The following CATSPERE variants were observed in gnomAD, a reference collection of about 807,000 sequenced individuals.
CATSPERE encodes the protein catsper channel auxiliary subunit epsilon.
A neutral mutation model predicts 114.1 loss-of-function variants in CATSPERE; 93 were observed. The ratio of observed to expected loss-of-function variants is 0.81; its 90% CI spans 0.69 to 0.97. The LOEUF (loss-of-function observed/expected upper bound fraction) is 0.97. Ranked by LOEUF, CATSPERE falls within the 50% of genes least tolerant of loss-of-function variation. CATSPERE has a pLI of 0.00. For missense variants in CATSPERE, 1,058 were observed against 1,131.6 expected (o/e 0.93, Z 0.93); for synonymous variants, 341 against 384.1 (o/e 0.89, Z 1.31).
Position 244,583,910 on chromosome 1 carries a change from T to A in CATSPERE, c.2056T>A (p.Tyr686Asn). The A allele has an allele frequency of 6.2e-7, 1 of 1,614,128 alleles. No homozygotes were observed. Among genetic ancestry groups the A allele is most frequent in the Non-Finnish European group, 8.5e-7 (1 of 1,179,990 alleles). ...LVLVQFRPSE[Y>N]SKACPIAQKV... ...GCTGGTTCAGTTTCGACCTAGTGAA[T>A]ATTCAAAAGCATGTCCAATAGCCCA... Residue 686 changes from tyrosine to asparagine, a missense_variant, in exon 13 of 22, where the codon TAT becomes AAT. By Grantham distance (143) the Tyr-to-Asn change is moderately radical. Around this residue, in one of 2 missense-constraint regions of CATSPERE, gnomAD observed 787 missense variants for 905.6 expected, o/e 0.87. Coordinates refer to ENST00000366534, the MANE Select transcript of CATSPERE (RefSeq NM_001130957.2).
intron 8 of CATSPERE, among the ~76,000 whole-genome samples, chr1:244,520,645 G>A (rs538596216): frequency 3.3e-5 from 5 of 152,010 alleles, no homozygotes; most frequent in African/African-American, 7.2e-5. Context: ...TCAGGCACAC[G>A]CAGAGGCCCA....
In CATSPERE at chr1:244,461,460, C is replaced by G; in HGVS notation, c.31C>G (p.Leu11Val). 7.3e-7 allele frequency: 1 copy of G among 1,372,810 alleles called. No individual in the cohort carries two copies. The allele number at this position is 1,372,810 out of a possible 1,614,324, so 85.0% of individuals were successfully genotyped here. The part of the protein sequence containing the change: MSAREVAVLL[L>V]WLSCYGSALW... ...AGCCCGGGAAGTGGCCGTGCTGCTG[C>G]TGTGGCTGAGCTGCTATGGCTCCGC... The change falls in exon 1 of 22, where the codon CTG becomes GTG. Residue 11 changes from leucine to valine, a missense_variant. Leu to Val is a conservative substitution (Grantham distance 32). This residue lies in a region of CATSPERE where 271 missense variants were observed against 225.9 expected (regional missense o/e 1.20). Transcript: ENST00000366534.
chr1:244,550,571 A>G (rs1398516928), intron 8 of CATSPERE, among the ~76,000 whole-genome samples: 1 of 152,232 alleles, frequency 6.6e-6, no homozygotes, highest in East Asian at 1.9e-4. Context: ...TTATTATATA[A>G]TCAGTGGACA....
rs1004013936 is a variant in CATSPERE, at chr1:244,561,253, C to T, written c.1507+108C>T. On this transcript the variant is annotated intron_variant, in intron 10 of 21. Transcript: ENST00000366534. ...ACCAATGTGTGGCGTTTTTGGCAGC[C>T]AAAGGTGCACTTCTTATCACCTACA... 6.7e-6 allele frequency: 5 copies of T among 751,704 alleles called. No homozygotes were observed. In the African/African-American group the frequency reaches 8.8e-5, roughly 13 times the overall value. 46.6% of individuals were successfully genotyped at this position (751,704 alleles called of 1,614,324 possible).
intron 11 of CATSPERE, among the ~76,000 whole-genome samples, chr1:244,574,355 G>A (rs1474631046): frequency 6.6e-6 from 1 of 152,162 alleles, no homozygotes; most frequent in Non-Finnish European, 1.5e-5. Flanking sequence ...CATAGGATAG[G>A]GCTTAGCAAA....
At position 244,461,301 on chromosome 1, in the gene CATSPERE, C is replaced by G. The variant is rs759685328; in HGVS notation, c.-129C>G. ...CTTCTCCCTCGCTGGTCTTCAGGCC[C>G]GGCCCGCCCTGTCCAGAGGCGCCGG... is the stretch of plus-strand genomic sequence containing the variant. On this transcript the variant is annotated 5_prime_UTR_variant, in exon 1 of 22. Transcript: ENST00000366534. The G allele has an allele frequency of 1.3e-6, 1 of 758,504 alleles. No homozygotes were observed. Among genetic ancestry groups the G allele is most frequent in the Non-Finnish European group, 1.8e-6 (1 of 552,350 alleles). 47.0% of individuals were successfully genotyped at this position (758,504 alleles called of 1,614,324 possible). A position where few individuals can be genotyped will look rare whatever the true frequency, so the allele number is the denominator to read the frequency against.
At chr1:244,452,776 T>C (rs1027559059), upstream of CATSPERE, among the ~76,000 whole-genome samples, 1 of 152,220 alleles carries the variant, frequency 6.6e-6, no homozygotes, top group African/African-American at 2.4e-5. Flanking sequence ...TTCGATAATC[T>C]AAGTCCAGAG....
chr1:244,564,338 G>GCT, intron 10 of CATSPERE, among the ~76,000 whole-genome samples: 1 of 152,150 alleles, frequency 6.6e-6, no homozygotes, highest in African/African-American at 2.4e-5. Context: ...AAATTACTTT[G>GCT]GGCAGTATGG....
At chr1:244,554,734 T>C (rs1661321380) in intron 9 of CATSPERE, among the ~76,000 whole-genome samples, 1 of 151,736 alleles carries the variant, frequency 6.6e-6, no homozygotes, top group Admixed American at 6.6e-5. Flanking sequence ...TTTTTAACTA[T>C]TAAGTTGTAA....
intron 18 of CATSPERE, among the ~76,000 whole-genome samples, chr1:244,608,038 C>A (rs923535316): frequency 6.6e-6 from 1 of 151,988 alleles, no homozygotes; most frequent in African/African-American, 2.4e-5. Flanking sequence ...ACCCAGGAAG[C>A]GGAGGTTGCA....
chr1:244,488,679 C>A, intron 5 of CATSPERE, among the ~76,000 whole-genome samples: 1 of 152,306 alleles, frequency 6.6e-6, no homozygotes, highest in East Asian at 1.9e-4. Flanking sequence ...TCCAGATACG[C>A]TGGTAACTCA....
intron 17 of CATSPERE, among the ~76,000 whole-genome samples, chr1:244,605,156 A>G (rs1344007468): frequency 6.6e-6 from 1 of 152,192 alleles, no homozygotes; most frequent in Non-Finnish European, 1.5e-5. Flanking sequence ...CTCCGTTCTC[A>G]TCATAGTAAT....
intron 7 of CATSPERE, among the ~76,000 whole-genome samples, chr1:244,505,706 G>A (rs1166633162): frequency 6.6e-6 from 1 of 152,020 alleles, no homozygotes; most frequent in African/African-American, 2.4e-5. Context: ...AGACCGGGTG[G>A]CTTAAAAAAC....
intron 2 of CATSPERE, among the ~76,000 whole-genome samples, chr1:244,473,567 C>T (rs1301210223): frequency 2.0e-5 from 3 of 152,180 alleles, no homozygotes; most frequent in African/African-American, 7.2e-5. Flanking sequence ...TCTTTTCATT[C>T]TCTTAACAGT....
chr1:244,471,627 A>C (rs922642389), intron 2 of CATSPERE, among the ~76,000 whole-genome samples: 1 of 152,202 alleles, frequency 6.6e-6, no homozygotes, highest in Admixed American at 6.5e-5. Flanking sequence ...TAGAAACAAA[A>C]CCATACTATA....
Position 244,615,007 on chromosome 1 carries a change from C to T in CATSPERE, c.2491-2522C>T, listed in dbSNP as rs117153736. Among the ~76,000 whole-genome samples the T allele has an allele frequency of 5.3e-5, 8 of 152,048 alleles. No homozygotes were observed. In the East Asian group the frequency reaches 9.7e-4, roughly 18 times the overall value. ...GCTGGGGCACTGGCACTCTGATGAA[C>T]GACCTCTAAACATTCCTCTCATTGT... On this transcript the variant is annotated intron_variant, in intron 19 of 21. Coordinates refer to ENST00000366534, the MANE Select transcript of CATSPERE (RefSeq NM_001130957.2).
At position 244,640,224 on chromosome 1, in the gene CATSPERE, A is replaced by C. The variant is rs1253614200; in HGVS notation, c.*143A>C. 1 of 583,870 alleles carries C rather than the reference A, an allele frequency of 1.7e-6. No homozygotes were observed. The highest frequency in any genetic ancestry group is 2.9e-6 in the Non-Finnish European group (1 of 344,696). 36.2% of individuals were successfully genotyped at this position (583,870 alleles called of 1,614,324 possible). ...TCACCAAATTCAAGATCTGAAAAAT[A>C]TTCTTGAACTATCTCCAAAATAGAA... On this transcript the variant is annotated 3_prime_UTR_variant, in exon 22 of 22. Coordinates refer to ENST00000366534, the MANE Select transcript of CATSPERE (RefSeq NM_001130957.2).
chr1:244,490,931 G>T (rs1312814074), intron 6 of CATSPERE, among the ~76,000 whole-genome samples: 2 of 151,814 alleles, frequency 1.3e-5, no homozygotes, highest in South Asian at 2.1e-4. Context: ...TTGTTATATA[G>T]TAAATACAGG....
At chr1:244,636,868 G>A (rs1304491554) in intron 21 of CATSPERE, 1 of 152,362 alleles carries the variant, frequency 6.6e-6, no homozygotes, top group African/African-American at 2.4e-5. Flanking sequence ...AGCGACTGGA[G>A]ATGAGTTTGT....
Sources: gnomAD v4.1 joint callset for allele counts (sites outside exome capture counted in the v4.1 genomes callset) on GRCh38, gnomAD v4.1.1 for gene constraint, gnomAD v4.1.1 regional missense constraint, MANE v1.5 for transcripts, NCBI Gene and HGNC (gene_info 2026-07-23, HGNC 2026-07-21) for gene names.